CCDC88C: variants seen among roughly 807,000 people sequenced by gnomAD.
CCDC88C encodes coiled-coil and HOOK domain protein 88C, also known as protein Daple.
Under a neutral mutation model 198.8 loss-of-function variants are expected in CCDC88C, and 131 were observed. The ratio of observed to expected loss-of-function variants is 0.66; its 90% CI spans 0.57 to 0.76. The LOEUF is 0.76. CCDC88C is among the 30% of genes least tolerant of loss of function. CCDC88C has a pLI of 0.00. For synonymous variants in CCDC88C, 1,166 were observed against 1,114.7 expected, an observed-to-expected ratio of 1.05 and a Z score of -0.92; for missense variants, 2,553 against 2,631.6, an observed-to-expected ratio of 0.97 and a Z score of 0.65.
chr14:91,336,351 C>T (rs369155225), intron 10 of CCDC88C, among the ~76,000 whole-genome samples: 3 of 152,160 alleles, frequency 2.0e-5, no homozygotes, highest in East Asian at 1.9e-4. Context: ...AACACGGAGA[C>T]GGGATCCCCA....
intron 3 of CCDC88C, among the ~76,000 whole-genome samples, chr14:91,372,928 C>T (rs766916197): frequency 1.3e-5 from 2 of 152,204 alleles, no homozygotes; most frequent in African/African-American, 2.4e-5. Context: ...CTTTCCTAGC[C>T]GTCAGGTTTT....
chr14:91,400,569 G>A (rs958425058), intron 3 of CCDC88C, among the ~76,000 whole-genome samples: 4 of 152,172 alleles, frequency 2.6e-5, no homozygotes, highest in African/African-American at 9.7e-5. Context: ...ACCCCACTAC[G>A]ATTCCCTCAG....
intron 4 of CCDC88C, among the ~76,000 whole-genome samples, chr14:91,353,332 G>A: frequency 6.6e-6 from 1 of 152,144 alleles, no homozygotes; most frequent in South Asian, 2.1e-4. Flanking sequence ...TGCCCAAGCA[G>A]AACTCATCAG....
chr14:91,303,554 TCTC>T (rs1167787007), intron 20 of CCDC88C, 144 bp downstream of exon 20: 6 of 351,702 alleles, frequency 1.7e-5, no homozygotes, highest in African/African-American at 3.2e-5. Flanking sequence ...GTCCCACCCA[TCTC>T]CTCCAGGCTC....
At chr14:91,355,463 C>T (rs555007739) in intron 4 of CCDC88C, among the ~76,000 whole-genome samples, 1 of 152,252 alleles carries the variant, frequency 6.6e-6, no homozygotes, top group East Asian at 1.9e-4. Context: ...GCAGAGACTA[C>T]AGCAGTGAGG....
intron 29 of CCDC88C, among the ~76,000 whole-genome samples, chr14:91,275,706 T>C (rs978142717): frequency 2.0e-5 from 3 of 151,890 alleles, no homozygotes; most frequent in Admixed American, 6.6e-5. Context: ...GGGGTTTCAC[T>C]ATGTTGGCCA....
At chr14:91,398,518 A>T (rs1347992422) in intron 3 of CCDC88C, among the ~76,000 whole-genome samples, 2 of 152,070 alleles carry the variant, frequency 1.3e-5, no homozygotes, top group Non-Finnish European at 2.9e-5. Flanking sequence ...TTAGCTGGGC[A>T]TGGTGGTGCA....
intron 22 of CCDC88C, 110 bp from the exon 23 acceptor site, chr14:91,294,428 C>T: frequency 7.7e-7 from 1 of 1,292,004 alleles, no homozygotes; most frequent in Non-Finnish European, 1.1e-6. Context: ...TTCAACGCAG[C>T]ATAATCTACG....
chr14:91,319,495 G>A (rs1187761767), intron 13 of CCDC88C, among the ~76,000 whole-genome samples: 1 of 152,228 alleles, frequency 6.6e-6, no homozygotes, highest in East Asian at 1.9e-4. Context: ...AGACCCTAAG[G>A]TGTTCCGTCA....
intron 3 of CCDC88C, among the ~76,000 whole-genome samples, chr14:91,400,727 A>G (rs902825266): frequency 2.0e-5 from 3 of 152,268 alleles, no homozygotes; most frequent in Non-Finnish European, 4.4e-5. Context: ...TTGTTAAAAT[A>G]GCTGCATTTT....
At chr14:91,274,268 G>A (rs986256361) in intron 29 of CCDC88C, among the ~76,000 whole-genome samples, 1 of 152,194 alleles carries the variant, frequency 6.6e-6, no homozygotes, top group Non-Finnish European at 1.5e-5. Flanking sequence ...AGGGGGAATG[G>A]TGGGGCTGCA....
At chr14:91,393,401 C>T (rs1306330287) in intron 3 of CCDC88C, among the ~76,000 whole-genome samples, 1 of 152,180 alleles carries the variant, frequency 6.6e-6, no homozygotes, top group Non-Finnish European at 1.5e-5. Flanking sequence ...GCGAATTCTA[C>T]CTCCCGAAGG....
At chr14:91,312,806 CTGTG>C (rs1891894759) in intron 15 of CCDC88C, among the ~76,000 whole-genome samples, 1 of 152,222 alleles carries the variant, frequency 6.6e-6, no homozygotes, top group Non-Finnish European at 1.5e-5. Context: ...AACAGCTCAC[CTGTG>C]TGTAAGTATG....
chr14:91,330,263 C>T (rs796504192), intron 10 of CCDC88C, among the ~76,000 whole-genome samples: 1 of 152,222 alleles, frequency 6.6e-6, no homozygotes, highest in Admixed American at 6.5e-5. Context: ...CACAGTTCAG[C>T]GCCCCACCCC....
chr14:91,295,383 G>A (rs1330918637), intron 22 of CCDC88C, among the ~76,000 whole-genome samples: 1 of 152,266 alleles, frequency 6.6e-6, no homozygotes, highest in Middle Eastern at 3.2e-3. Context: ...TCTCCCCAGT[G>A]TAGAGAACTG....
intron 3 of CCDC88C, among the ~76,000 whole-genome samples, chr14:91,401,317 T>C (rs1212333102): frequency 1.7e-5 from 2 of 115,936 alleles, no homozygotes; most frequent in Non-Finnish European, 3.4e-5. Context: ...ATATATTTAT[T>C]ATATATTACA....
intron 13 of CCDC88C, among the ~76,000 whole-genome samples, chr14:91,319,031 G>A (rs771992688): frequency 6.6e-6 from 1 of 152,118 alleles, no homozygotes; most frequent in Non-Finnish European, 1.5e-5. Flanking sequence ...GCTGAGGTTG[G>A]AGAGGGAAAT....
chr14:91,292,142 CT>C (rs1890687396), intron 23 of CCDC88C, among the ~76,000 whole-genome samples: 2 of 152,208 alleles, frequency 1.3e-5, no homozygotes. Flanking sequence ...AGGTGAGCCC[CT>C]GTAACAAGTG....
chr14:91,376,247 C>T (rs764536170), intron 3 of CCDC88C, among the ~76,000 whole-genome samples: 13 of 152,192 alleles, frequency 8.5e-5, no homozygotes, highest in Admixed American at 6.5e-5. Context: ...CGGGCATATG[C>T]ATGTCTGGCT....
Sources: gnomAD v4.1 joint callset for allele counts (sites outside exome capture counted in the v4.1 genomes callset) on GRCh38, gnomAD v4.1.1 for gene constraint, MANE v1.5 for transcripts, NCBI Gene and HGNC (gene_info 2026-07-23, HGNC 2026-07-21) for gene names.